The following ABCA7 variants were observed in gnomAD, a reference collection of about 807,000 sequenced individuals.
ABCA7 encodes the protein ATP binding cassette subfamily A member 7.
Under a neutral mutation model 227.6 loss-of-function variants are expected in ABCA7, and 261 were observed. The ratio of observed to expected loss-of-function variants is 1.15; its 90% CI spans 1.04 to 1.27. The LOEUF (loss-of-function observed/expected upper bound fraction) is 1.27, where lower values mean the gene tolerates loss of function less well. Ranked by LOEUF, ABCA7 falls within the 50% of genes most tolerant of loss-of-function variation. The pLI, the probability that ABCA7 is intolerant of heterozygous loss-of-function variation, is 0.00. For synonymous variants in ABCA7, 1,488 were observed against 1,279.7 expected, an observed-to-expected ratio of 1.16 and a Z score of -3.47; for missense variants, 3,331 against 2,924.5, an observed-to-expected ratio of 1.14 and a Z score of -3.21.
At position 1,061,809 on chromosome 19, in the gene ABCA7, G is replaced by A. The variant is rs1460799159; in HGVS notation, c.5491G>A (p.Ala1831Thr). The A allele has an allele frequency of 1.2e-6, 2 of 1,612,798 alleles. No homozygotes were observed. Among genetic ancestry groups the A allele is most frequent in the Non-Finnish European group, 1.7e-6 (2 of 1,179,466 alleles). ...TTTTGGGCTGCTGGGTGTGAATGGA[G>A]CAGGGAAGACGTCCACGTTTCGCAT... Reference protein sequence around the residue: ...ECFGLLGVNGAGKTSTFRMVT... With the variant: ...ECFGLLGVNGTGKTSTFRMVT... Residue 1831 changes from alanine (A) to threonine (T), a missense_variant, in exon 41 of 47, where the codon GCA (alanine) becomes ACA (threonine). Ala to Thr is a moderately conservative substitution (Grantham distance 58). Transcript: ENST00000263094.
chr19:1,042,164 G>A lies in ABCA7; in HGVS notation c.403G>A (p.Ala135Thr). The change falls in exon 5 of 47, where the codon GCA (alanine) becomes ACA (threonine). Residue 135 changes from alanine (A) to threonine (T), a missense_variant. By Grantham distance (58) the Ala-to-Thr change is moderately conservative. Transcript: ENST00000263094. ...LGKLIATLRAARSTAQPQPTK... is the reference protein window; with the variant it reads ...LGKLIATLRATRSTAQPQPTK... ...GAAGCTGATCGCCACGCTGAGGGCT[G>A]CACGCAGCACGGGTGAGGAGGCCGG... The A allele has an allele frequency of 6.2e-7, 1 of 1,600,552 alleles. No individual in the cohort carries two copies. Among genetic ancestry groups the A allele is most frequent in the Non-Finnish European group, 8.5e-7 (1 of 1,179,260 alleles).
In ABCA7 at chr19:1,054,933, C is replaced by G. The variant is rs1437031104; in HGVS notation, c.3950+55C>G. The stretch of plus-strand genomic sequence containing the variant: ...CCCTCTCTGGCCTCAGTTTTCCCAT[C>G]TGGTCCCTGGCCAGGGAGCCTCAGG... On this transcript the variant is annotated intron_variant, in intron 29 of 46. Coordinates refer to ENST00000263094, the MANE Select transcript of ABCA7 (RefSeq NM_019112.4). The surrounding 1 kb of genome is among the most constrained non-coding windows in gnomAD (Gnocchi z 4.8). The G allele has an allele frequency of 1.1e-5, 17 of 1,554,316 alleles. No individual in the cohort carries two copies. Among genetic ancestry groups the G allele is most frequent in the Non-Finnish European group, 1.1e-5 (13 of 1,144,954 alleles).
intron 17 of ABCA7, 87 bp downstream of exon 17, chr19:1,049,092 G>T (rs1031801152): frequency 2.1e-6 from 2 of 967,414 alleles, no homozygotes; most frequent in African/African-American, 1.6e-5. Context: ...CAATGACAAT[G>T]ACCTGGACAC....
chr19:1,042,937 G>A (rs2144684494), intron 7 of ABCA7, 104 bp from the exon 8 acceptor site: 1 of 1,511,948 alleles, frequency 6.6e-7, no homozygotes, highest in East Asian at 2.3e-5. Flanking sequence ...TTTTCAGGAG[G>A]ATTAGACAGC....
rs1280130616 is a variant in ABCA7 at position 1,055,922 on chromosome 19, G to A, written c.4221G>A (p.Lys1407=). ...TCTCCCACAGCCTGAAGACTAAGAAGTGGGTGAATGAGGTCAGGTGAGGAG... is the reference window on the plus strand; with the variant it reads ...TCTCCCACAGCCTGAAGACTAAGAAATGGGTGAATGAGGTCAGGTGAGGAG... The part of the protein sequence containing the change: ...RLVRQGLKTK[K]WVNEVRYGGF... Residue 1407 remains lysine (K), a synonymous_variant, in exon 31 of 47, where the codon AAG becomes AAA. Transcript: ENST00000263094. The A allele has an allele frequency of 3.1e-6, 5 of 1,595,226 alleles. No homozygotes were observed. In the African/African-American group the frequency reaches 4.0e-5, roughly 13 times the overall value.
At position 1,058,152 on chromosome 19, in the gene ABCA7, C is replaced by A. The variant is rs766315423; in HGVS notation, c.5032C>A (p.Gln1678Lys). Residue 1678 changes from glutamine to lysine, a missense_variant, in exon 37 of 47, where the codon CAG (glutamine) becomes AAG (lysine). By Grantham distance (53) the Gln-to-Lys change is moderately conservative. Transcript: ENST00000263094. ...VLELFSDQKL[Q>K]EVSRILKQVF... is the part of the protein sequence containing the mutation. Reference sequence around the variant, plus strand: ...GTCTCCCACCCTTGAGCAGAAGCTGCAGGAGGTGAGCCGGATCTTGAAACA... The same window carrying A: ...GTCTCCCACCCTTGAGCAGAAGCTGAAGGAGGTGAGCCGGATCTTGAAACA... The A allele has an allele frequency of 1.2e-6, 2 of 1,613,942 alleles. No homozygotes were observed. The highest frequency in any genetic ancestry group is 1.6e-4 in the Middle Eastern group (1 of 6,062).
At chr19:1,043,607 G>GTAACTTGTGCGGA in intron 9 of ABCA7, 118 bp from the exon 10 acceptor site, 1 of 1,554,356 alleles carries the variant, frequency 6.4e-7, no homozygotes, top group Non-Finnish European at 8.8e-7. Context: ...CCGATGGAGG[G>GTAACTTGTGCGGA]GGATCAGCTT....
In ABCA7 at chr19:1,046,284, GGGC is replaced by G. The variant is rs2040649212; in HGVS notation, c.1504_1506del (p.Gly502del). Reference sequence around the variant, plus strand: ...CCCTGACCGACCTGCGCTACGTGTGGGGCGGCTTCGTGTACCTGCAAGACCTGG... The same window carrying G: ...CCCTGACCGACCTGCGCTACGTGTGGGGCTTCGTGTACCTGCAAGACCTGG... On this transcript the variant is annotated inframe_deletion, in exon 13 of 47. Coordinates refer to ENST00000263094, the MANE Select transcript of ABCA7 (RefSeq NM_019112.4). The G allele has an allele frequency of 6.2e-7, 1 of 1,606,272 alleles. No homozygotes were observed. Among genetic ancestry groups the G allele is most frequent in the Non-Finnish European group, 8.5e-7 (1 of 1,179,730 alleles).
At chr19:1,063,944 G>A in intron 44 of ABCA7, 81 bp downstream of exon 44, 3 of 1,447,210 alleles carry the variant, frequency 2.1e-6, no homozygotes, top group Non-Finnish European at 2.7e-6. Context: ...AAGGCCACAG[G>A]GGATGGGGGG....
At chr19:1,047,070 G>T in intron 14 of ABCA7, 46 bp downstream of exon 14, 1 of 1,551,816 alleles carries the variant, frequency 6.4e-7, no homozygotes, top group Non-Finnish European at 8.7e-7. Flanking sequence ...GTGCGCTGGA[G>T]GGTGACAGAC....
intron 1 of ABCA7, 38 bp from the exon 2 acceptor site, chr19:1,041,187 C>T (rs1408973324): frequency 2.9e-6 from 2 of 697,308 alleles, no homozygotes; most frequent in Non-Finnish European, 5.1e-6. Flanking sequence ...AGCGGAGCCT[C>T]TTTATCGAGT....
chr19:1,044,010 TCA>T (rs1242382497), intron 10 of ABCA7, among the ~76,000 whole-genome samples, 169 bp downstream of exon 10: 2 of 149,646 alleles, frequency 1.3e-5, no homozygotes, highest in East Asian at 3.9e-4. Flanking sequence ...TGATCTCGAC[TCA>T]CTGCAACCTC....
In ABCA7 at chr19:1,054,876, C is replaced by A. The variant is rs1450210291; in HGVS notation, c.3948C>A (p.His1316Gln). The change falls in exon 29 of 47, where the codon CAC becomes CAA. Residue 1316 changes from histidine to glutamine, a missense_variant and splice_region_variant. His to Gln is a conservative substitution (Grantham distance 24). Coordinates refer to ENST00000263094, the MANE Select transcript of ABCA7 (RefSeq NM_019112.4). This position sits in a 1 kb window ranked among gnomAD's most constrained non-coding sequence, Gnocchi z 4.8. ...LEEPPVQHSSHRFSAPEVPAE... is the reference protein window; with the variant it reads ...LEEPPVQHSSQRFSAPEVPAE... ...AGCCCCCAGTGCAGCATAGCTCCCA[C>A]AGGTGAGGCGTCTTGTTGGCCTGGA... The A allele has an allele frequency of 1.3e-6, 2 of 1,557,858 alleles. No individual in the cohort carries two copies. Among genetic ancestry groups the A allele is most frequent in the Non-Finnish European group, 1.7e-6 (2 of 1,151,072 alleles).
In ABCA7 at chr19:1,053,396, A is replaced by G. The variant is rs1338641856; in HGVS notation, c.3288A>G (p.Pro1096=). ...GGGCACGGCTGGTGGAGGAGCTGCC[A>G]CACGAGCTGGTGCTGGTGCTGCCCT... ...VPGARLVEEL[P]HELVLVLPYT... is the part of the protein sequence containing the mutation. The change falls in exon 24 of 47, where the codon CCA becomes CCG. Residue 1096 remains proline, a synonymous_variant. Transcript: ENST00000263094. The G allele has an allele frequency of 8.7e-6, 14 of 1,608,218 alleles. No individual in the cohort carries two copies. Among genetic ancestry groups the G allele is most frequent in the Non-Finnish European group, 1.2e-5 (14 of 1,178,988 alleles).
chr19:1,060,664 C>T (rs564105440), intron 40 of ABCA7, among the ~76,000 whole-genome samples: 55 of 152,012 alleles, frequency 3.6e-4, no homozygotes, highest in Non-Finnish European at 6.3e-4. Flanking sequence ...GGATTACAGG[C>T]GCCCGCCACC....
rs766142894 is a variant in ABCA7, at chr19:1,044,684, C to A, written c.1155C>A (p.Ser385Arg). The A allele has an allele frequency of 1.9e-6, 3 of 1,612,784 alleles. No individual in the cohort carries two copies. The South Asian group carries it at 3.3e-5, about 18-fold the overall frequency. The change falls in exon 11 of 47, where the codon AGC (serine) becomes AGA (arginine). Residue 385 changes from serine to arginine, a missense_variant. Transcript: ENST00000263094. ...TGGACCCTGGGAGCGGTGGCTACAGCTGGCAGGACGCACACGCTGATGTGG... is the reference window on the plus strand; with the variant it reads ...TGGACCCTGGGAGCGGTGGCTACAGATGGCAGGACGCACACGCTGATGTGG... ...SFLDPGSGGY[S>R]WQDAHADVGH... is the part of the protein sequence containing the mutation.
intron 18 of ABCA7, among the ~76,000 whole-genome samples, 179 bp downstream of exon 18, chr19:1,049,616 AACCCCCCACCACTCCCTCCCC>A: frequency 0.015 from 1 of 66 alleles, no homozygotes; most frequent in African/African-American, 0.12. Flanking sequence ...CCTCCCCGTG[AACCCCCCACCACTCCCTCCCC>A]GTGAGCCCCC....
intron 6 of ABCA7, 39 bp downstream of exon 6, chr19:1,042,436 C>G: frequency 1.2e-6 from 2 of 1,607,182 alleles, no homozygotes; most frequent in Non-Finnish European, 1.7e-6. Context: ...CTTCCTGGGA[C>G]ACTGCACTGG....
intron 42 of ABCA7, among the ~76,000 whole-genome samples, chr19:1,062,731 G>T (rs980258377): frequency 1.3e-5 from 2 of 151,832 alleles, no homozygotes; most frequent in Admixed American, 6.6e-5. Context: ...ATCTGCTTGG[G>T]GGTCTTGTCT....
Sources: allele counts gnomAD v4.1 joint callset (sites outside exome capture counted in the v4.1 genomes callset), GRCh38; gene constraint gnomAD v4.1.1; non-coding constraint Gnocchi (gnomAD v3.1); transcripts MANE v1.5; gene names NCBI Gene and HGNC (gene_info 2026-07-23, HGNC 2026-07-21).